Variants in SPOCK3 observed in about 807,000 individuals in gnomAD.
SPOCK3 encodes SPARC (osteonectin), cwcv and kazal like domains proteoglycan 3.
A neutral mutation model predicts 56.6 loss-of-function variants in SPOCK3; 30 were observed. The ratio of observed to expected loss-of-function variants is 0.53; its 90% CI spans 0.40 to 0.72. The LOEUF is 0.72. SPOCK3 is among the 30% of genes least tolerant of loss of function. The probability of loss-of-function intolerance (pLI) is 0.00; values close to 1 mark genes in which losing one functional copy is unlikely to be tolerated. For synonymous variants in SPOCK3, 196 were observed against 183.3 expected, an observed-to-expected ratio of 1.07 and a Z score of -0.56; for missense variants, 527 against 530.0, an observed-to-expected ratio of 0.99 and a Z score of 0.06.
chr4:166,962,706 A>G (rs574183406), intron 4 of SPOCK3, among the ~76,000 whole-genome samples: 4 of 152,218 alleles, frequency 2.6e-5, no homozygotes, highest in African/African-American at 9.6e-5. Flanking sequence ...CGACTTCCAT[A>G]GACCCTACAA....
intron 2 of SPOCK3, among the ~76,000 whole-genome samples, chr4:167,104,802 C>A (rs545204922): frequency 6.7e-6 from 1 of 149,674 alleles, no homozygotes; most frequent in East Asian, 2.0e-4. Flanking sequence ...ATGAAACTCC[C>A]AAGGGTTAAG....
chr4:166,909,025 T>A (rs1446478915), intron 5 of SPOCK3, among the ~76,000 whole-genome samples: 1 of 152,064 alleles, frequency 6.6e-6, no homozygotes, highest in Admixed American at 6.6e-5. Context: ...AAAAGAAAGA[T>A]TAAATAGGCT....
intron 6 of SPOCK3, among the ~76,000 whole-genome samples, chr4:166,857,086 C>G (rs1326744012): frequency 6.6e-6 from 1 of 152,194 alleles, no homozygotes; most frequent in East Asian, 1.9e-4. Context: ...CTCAGAGACA[C>G]TGACTTCTTG....
At chr4:166,955,892 C>T (rs745519427) in intron 4 of SPOCK3, among the ~76,000 whole-genome samples, 3 of 151,700 alleles carry the variant, frequency 2.0e-5, no homozygotes, top group African/African-American at 7.3e-5. Flanking sequence ...TCCTGGAAAG[C>T]GTTCATTTTT....
intron 6 of SPOCK3, among the ~76,000 whole-genome samples, chr4:166,854,903 T>C (rs995444952): frequency 1.3e-5 from 2 of 152,158 alleles, no homozygotes; most frequent in African/African-American, 2.4e-5. Context: ...AGTATTACGT[T>C]GGGACTCAGA....
chr4:166,738,927 T>C (rs1221259780), intron 9 of SPOCK3, among the ~76,000 whole-genome samples: 3 of 152,054 alleles, frequency 2.0e-5, no homozygotes, highest in Admixed American at 1.3e-4. Context: ...CCACAATAAA[T>C]ATACGTGTGC....
chr4:167,040,211 C>T (rs1323070851), intron 3 of SPOCK3, among the ~76,000 whole-genome samples: 1 of 152,128 alleles, frequency 6.6e-6, no homozygotes, highest in Non-Finnish European at 1.5e-5. Flanking sequence ...AACCCCACTG[C>T]AGTAAGGCAA....
intron 2 of SPOCK3, among the ~76,000 whole-genome samples, chr4:167,147,996 C>T (rs546416780): frequency 9.2e-5 from 14 of 152,194 alleles, no homozygotes; most frequent in Middle Eastern, 3.4e-3. Flanking sequence ...CTGAAAAATA[C>T]TGCCGATAAA....
At chr4:167,146,028 G>A (rs887823000) in intron 2 of SPOCK3, among the ~76,000 whole-genome samples, 4 of 152,194 alleles carry the variant, frequency 2.6e-5, no homozygotes, top group Non-Finnish European at 5.9e-5. Context: ...ATTGGATAAA[G>A]GGTCAAGACC....
At chr4:166,739,167 C>T (rs7687882) in intron 9 of SPOCK3, among the ~76,000 whole-genome samples, 49,445 of 151,974 alleles carry the variant, frequency 0.33, 8,237 homozygotes, top group Admixed American at 0.42. Flanking sequence ...CCATTCTAAC[C>T]GGTGTGAGAT....
At chr4:166,771,504 C>G (rs1315271675) in intron 7 of SPOCK3, among the ~76,000 whole-genome samples, 1 of 152,010 alleles carries the variant, frequency 6.6e-6, no homozygotes, top group Non-Finnish European at 1.5e-5. Flanking sequence ...TGACCTGAAT[C>G]TAAGTTAGGT....
intron 4 of SPOCK3, among the ~76,000 whole-genome samples, chr4:166,950,176 G>A (rs1238866812): frequency 2.6e-5 from 4 of 151,770 alleles, no homozygotes; most frequent in Non-Finnish European, 4.4e-5. Context: ...TCAGTGTGCT[G>A]TATTCAGGAA....
intron 3 of SPOCK3, among the ~76,000 whole-genome samples, chr4:167,028,881 G>C (rs545027847): frequency 6.6e-6 from 1 of 151,932 alleles, no homozygotes; most frequent in Non-Finnish European, 1.5e-5. Flanking sequence ...TTCATTGCCT[G>C]TTCTCTCAAA....
intron 2 of SPOCK3, among the ~76,000 whole-genome samples, chr4:167,123,744 T>TC (rs1405436299): frequency 4.4e-4 from 65 of 149,094 alleles, no homozygotes; most frequent in East Asian, 1.4e-3. Flanking sequence ...TCTTTTCTTT[T>TC]TTTTTTTTTT....
At chr4:166,844,974 T>C (rs1747905670) in intron 6 of SPOCK3, among the ~76,000 whole-genome samples, 1 of 152,264 alleles carries the variant, frequency 6.6e-6, no homozygotes, top group Non-Finnish European at 1.5e-5. Flanking sequence ...TTTGGATTGC[T>C]GAGGCAGAAT....
At chr4:167,014,901 C>T (rs1750461353) in intron 3 of SPOCK3, among the ~76,000 whole-genome samples, 1 of 151,948 alleles carries the variant, frequency 6.6e-6, no homozygotes, top group Non-Finnish European at 1.5e-5. Context: ...CTTAAAATTA[C>T]TGCATTTTAT....
intron 4 of SPOCK3, among the ~76,000 whole-genome samples, chr4:166,963,548 T>C (rs529196176): frequency 6.6e-6 from 1 of 152,100 alleles, no homozygotes; most frequent in East Asian, 1.9e-4. Flanking sequence ...CCAAAAAGTC[T>C]TTGGTATTAA....
At chr4:166,735,168 A>C in intron 10 of SPOCK3, 78 bp from the exon 11 acceptor site, 1 of 845,736 alleles carries the variant, frequency 1.2e-6, no homozygotes, top group East Asian at 2.9e-5. Context: ...TCCTTATAAA[A>C]ATTAAGAATA....
chr4:166,800,424 G>A (rs1450174559), intron 6 of SPOCK3, among the ~76,000 whole-genome samples: 4 of 152,002 alleles, frequency 2.6e-5, no homozygotes, highest in Non-Finnish European at 5.9e-5. Context: ...TATTTCAGAA[G>A]GAGGCATTGT....
Sources: gnomAD v4.1 joint callset for allele counts (sites outside exome capture counted in the v4.1 genomes callset) on GRCh38, gnomAD v4.1.1 for gene constraint, MANE v1.5 for transcripts, NCBI Gene and HGNC (gene_info 2026-07-23, HGNC 2026-07-21) for gene names.